SAMMSON: variants seen among roughly 807,000 people sequenced by gnomAD.
SAMMSON encodes long intergenic non-protein coding RNA 1212.
chr3:70,123,770 C>T (rs2067444569), intron 4 of SAMMSON, among the ~76,000 whole-genome samples: 1 of 152,162 alleles, frequency 6.6e-6, no homozygotes, highest in South Asian at 2.1e-4. Flanking sequence ...AGGAGCAGAT[C>T]CCCTCTCAGA....
In SAMMSON at chr3:70,019,540, G is replaced by T. The variant is rs573442394; in HGVS notation, n.417+5868G>T. ...ATGGGTCTTGACTCTTTATCCAATT[G>T]GCCAGTCTGTGTCTTTTAATTGGAG... On this transcript the variant is annotated intron_variant and non_coding_transcript_variant, in intron 3 of 9. Coordinates refer to ENST00000642114, the Ensembl canonical transcript of SAMMSON. 8.4e-4 allele frequency among the ~76,000 whole-genome samples: 128 copies of T among 152,088 alleles called. 2 individuals carry two copies. Among genetic ancestry groups the T allele is most frequent in the African/African-American group, 2.5e-3 (104 of 41,516 alleles).
At chr3:70,066,639 A>C (rs551054026) in intron 3 of SAMMSON, among the ~76,000 whole-genome samples, 108 of 152,258 alleles carry the variant, frequency 7.1e-4, no homozygotes, top group Admixed American at 1.6e-3. Flanking sequence ...ATTACTATTA[A>C]CATGTAAAAT....
intron 6 of SAMMSON, among the ~76,000 whole-genome samples, chr3:70,288,951 G>T (rs1433589901): frequency 2.0e-5 from 3 of 151,946 alleles, no homozygotes; most frequent in Non-Finnish European, 4.4e-5. Flanking sequence ...GCCTATGTGT[G>T]TCTCTGCACG....
rs1293388980 is a variant in SAMMSON, at chr3:70,373,961, C to T, written n.914-15613C>T. Among the ~76,000 whole-genome samples, 5 of 152,184 alleles carry T rather than the reference C, an allele frequency of 3.3e-5. No individual in the cohort carries two copies. In the East Asian group the frequency reaches 7.7e-4, roughly 23 times the overall value. On this transcript the variant is annotated intron_variant and non_coding_transcript_variant, in intron 9 of 9. Coordinates refer to ENST00000642114, the Ensembl canonical transcript of SAMMSON. ...TGGAGCTTTGCTCTTGTTGCCTAGGCAGGAGTGCAATGGCGCCATCTCGGC... is the reference window on the plus strand; with the variant it reads ...TGGAGCTTTGCTCTTGTTGCCTAGGTAGGAGTGCAATGGCGCCATCTCGGC...
intron 6 of SAMMSON, among the ~76,000 whole-genome samples, chr3:70,267,384 T>G (rs933614959): frequency 2.0e-5 from 3 of 149,942 alleles, no homozygotes; most frequent in African/African-American, 7.3e-5. Flanking sequence ...TACAGATTCT[T>G]TTTTAATAGC....
chr3:70,009,850 A>T (rs933344735), intron 1 of SAMMSON, among the ~76,000 whole-genome samples: 13 of 149,966 alleles, frequency 8.7e-5, no homozygotes, highest in African/African-American at 3.0e-4. Context: ...CTTTGTTCTC[A>T]TTGGTGTCAA....
intron 1 of SAMMSON, among the ~76,000 whole-genome samples, chr3:70,007,962 G>A (rs974643693): frequency 1.7e-4 from 26 of 151,882 alleles, no homozygotes; most frequent in Non-Finnish European, 3.5e-4. Flanking sequence ...TTGTAGATAC[G>A]CGGCATTATT....
At chr3:70,128,048 G>C (rs1197659227) in intron 4 of SAMMSON, among the ~76,000 whole-genome samples, 1 of 152,188 alleles carries the variant, frequency 6.6e-6, no homozygotes, top group African/African-American at 2.4e-5. Flanking sequence ...TTCACATGTT[G>C]AGTGAATGGA....
chr3:70,141,158 C>A (rs1007706441), intron 4 of SAMMSON, among the ~76,000 whole-genome samples: 5 of 152,142 alleles, frequency 3.3e-5, no homozygotes, highest in Non-Finnish European at 5.9e-5. Flanking sequence ...ACACAAAAAT[C>A]TGTATTAAGA....
chr3:70,054,672 C>T (rs555676578), intron 3 of SAMMSON, among the ~76,000 whole-genome samples: 1 of 152,074 alleles, frequency 6.6e-6, no homozygotes, highest in Admixed American at 6.6e-5. Flanking sequence ...TTAGATTCAG[C>T]ATTGCAAACT....
intron 4 of SAMMSON, among the ~76,000 whole-genome samples, chr3:70,214,607 C>CTTTTTT (rs11391954): frequency 7.1e-6 from 1 of 140,310 alleles, no homozygotes; most frequent in Non-Finnish European, 1.5e-5. Flanking sequence ...CTGAAGTGGG[C>CTTTTTT]TTTTTTTTTT....
intron 7 of SAMMSON, among the ~76,000 whole-genome samples, chr3:70,331,002 CTTTA>C (rs1313427980): frequency 2.0e-5 from 3 of 152,136 alleles, no homozygotes. Flanking sequence ...AATAATTTCA[CTTTA>C]TTTATGTTGA....
chr3:70,395,331 C>CTTTTTTTTTTTTTTTTTTTTT (rs71126501), intron 2 of SAMMSON, among the ~76,000 whole-genome samples: 3 of 113,676 alleles, frequency 2.6e-5, no homozygotes, highest in Admixed American at 9.7e-5. Flanking sequence ...CTCTCTCTCT[C>CTTTTTTTTTTTTTTTTTTTTT]TTTTTTTTTT....
chr3:70,076,070 G>A (rs2067247582), intron 4 of SAMMSON, among the ~76,000 whole-genome samples: 1 of 152,012 alleles, frequency 6.6e-6, no homozygotes, highest in Admixed American at 6.6e-5. Context: ...ATTTTGAAAT[G>A]TGCTTCCTTT....
chr3:70,301,478 C>T (rs1284036311), intron 7 of SAMMSON, among the ~76,000 whole-genome samples: 1 of 152,018 alleles, frequency 6.6e-6, no homozygotes, highest in Non-Finnish European at 1.5e-5. Context: ...TTATAAGTTT[C>T]TTTATTGGGC....
intron 9 of SAMMSON, among the ~76,000 whole-genome samples, chr3:70,367,641 G>T (rs1702931964): frequency 6.6e-6 from 1 of 151,492 alleles, no homozygotes; most frequent in Non-Finnish European, 1.5e-5. Flanking sequence ...GAACATTTAG[G>T]TGGATTCCAT....
intron 2 of SAMMSON, among the ~76,000 whole-genome samples, chr3:70,401,669 T>C (rs941338660): frequency 1.2e-4 from 19 of 152,124 alleles, no homozygotes; most frequent in Non-Finnish European, 1.0e-4. Context: ...TTATTGAAAG[T>C]GTGGTTAAGA....
At chr3:70,410,157 C>A (rs1349955882) in intron 2 of SAMMSON, among the ~76,000 whole-genome samples, 1 of 152,212 alleles carries the variant, frequency 6.6e-6, no homozygotes, top group Non-Finnish European at 1.5e-5. Context: ...TATCTAGTTA[C>A]CTCTCCATTT....
At chr3:70,401,836 A>G (rs1299793808) in intron 2 of SAMMSON, among the ~76,000 whole-genome samples, 1 of 152,162 alleles carries the variant, frequency 6.6e-6, no homozygotes, top group African/African-American at 2.4e-5. Flanking sequence ...ATTATTAAAT[A>G]TTTTATTTTG....
Sources: allele counts gnomAD v4.1 joint callset (sites outside exome capture counted in the v4.1 genomes callset), GRCh38; gene constraint gnomAD v4.1.1; transcripts MANE v1.5; gene names NCBI Gene and HGNC (gene_info 2026-07-23, HGNC 2026-07-21).